Variants in CAMK4 observed in about 807,000 individuals in gnomAD.
CAMK4 encodes the protein calcium/calmodulin-dependent protein kinase type IV.
Under a neutral mutation model 44.9 loss-of-function variants are expected in CAMK4, and 22 were observed. The ratio of observed to expected loss-of-function variants is 0.49; its 90% CI spans 0.35 to 0.70. The LOEUF (loss-of-function observed/expected upper bound fraction) is 0.70. CAMK4 is among the 30% of genes least tolerant of loss of function. The pLI is 0.01. For missense variants in CAMK4, 498 were observed against 586.8 expected, an observed-to-expected ratio of 0.85 and a Z score of 1.56; for synonymous variants, 218 against 215.4, an observed-to-expected ratio of 1.01 and a Z score of -0.11.
At chr5:111,329,559 A>G (rs1406193744) in intron 1 of CAMK4, among the ~76,000 whole-genome samples, 1 of 151,816 alleles carries the variant, frequency 6.6e-6, no homozygotes, top group Non-Finnish European at 1.5e-5. Context: ...TCATGGTTTT[A>G]TTTTTGCATA....
Position 111,335,897 on chromosome 5 carries a change from ACTCT to A in CAMK4, c.162-8122_162-8119del, listed in dbSNP as rs536726755. Among the ~76,000 whole-genome samples the A allele has an allele frequency of 3.0e-3, 458 of 151,298 alleles. 2 individuals carry two copies. The highest frequency in any genetic ancestry group is 9.1e-3 in the African/African-American group (376 of 41,396). ...TTACAAACACATTACAGGTTTGACA[ACTCT>A]CTCTTTTTGTGTAATGAAAAATATG... On this transcript the variant is annotated intron_variant, in intron 1 of 10. Transcript: ENST00000282356.
chr5:111,433,801 G>T (rs1753547474), intron 5 of CAMK4, among the ~76,000 whole-genome samples: 1 of 152,198 alleles, frequency 6.6e-6, no homozygotes. Context: ...GGCAAGAATT[G>T]TCCCAGGATG....
At chr5:111,264,674 A>G (rs1475649749) in intron 1 of CAMK4, among the ~76,000 whole-genome samples, 2 of 152,038 alleles carry the variant, frequency 1.3e-5, no homozygotes, top group Non-Finnish European at 2.9e-5. Flanking sequence ...TGATACTTTA[A>G]GAGTCATTTT....
intron 7 of CAMK4, among the ~76,000 whole-genome samples, chr5:111,455,431 G>A (rs1429559059): frequency 6.6e-6 from 1 of 152,158 alleles, no homozygotes; most frequent in Non-Finnish European, 1.5e-5. Flanking sequence ...ATAATAAAGA[G>A]ATGATTAAAT....
chr5:111,352,031 G>A (rs893920762), intron 2 of CAMK4, among the ~76,000 whole-genome samples: 3 of 151,916 alleles, frequency 2.0e-5, no homozygotes, highest in Non-Finnish European at 2.9e-5. Context: ...TCATATAAGC[G>A]TGCTAATCCT....
intron 5 of CAMK4, among the ~76,000 whole-genome samples, chr5:111,424,709 A>C (rs1365415026): frequency 1.3e-5 from 2 of 151,760 alleles, no homozygotes; most frequent in African/African-American, 4.8e-5. Context: ...GGCCTCCCAA[A>C]GTGCTGGGAT....
intron 1 of CAMK4, among the ~76,000 whole-genome samples, chr5:111,241,944 C>T (rs1330740627): frequency 6.6e-6 from 1 of 152,220 alleles, no homozygotes; most frequent in Non-Finnish European, 1.5e-5. Flanking sequence ...TAGGCAATAA[C>T]TGATTTCTGT....
At chr5:111,386,703 G>A (rs1379058512) in intron 4 of CAMK4, among the ~76,000 whole-genome samples, 1 of 152,234 alleles carries the variant, frequency 6.6e-6, no homozygotes, top group East Asian at 1.9e-4. Context: ...CACCAACTGA[G>A]GAGAAGAGCA....
At chr5:111,454,612 A>G (rs1426759811) in intron 7 of CAMK4, among the ~76,000 whole-genome samples, 1 of 146,854 alleles carries the variant, frequency 6.8e-6, no homozygotes, top group African/African-American at 2.5e-5. Context: ...GATTCTCAAC[A>G]TCTTGTGGAT....
rs111343214 is a variant in CAMK4 at position 111,469,383 on chromosome 5, A to G, written c.626-3928A>G. On this transcript the variant is annotated intron_variant, in intron 7 of 10. Transcript: ENST00000282356. ...TTGTCTGTTAACTTCACTGTGGGAC[A>G]TTTAACTTTTTACATGGCAAGTTTA... Among the ~76,000 whole-genome samples the G allele has an allele frequency of 4.9e-3, 743 of 151,950 alleles. 2 individuals carry two copies. Among genetic ancestry groups the G allele is most frequent in the African/African-American group, 0.017 (701 of 41,416 alleles).
At chr5:111,391,743 G>C (rs1333330371) in intron 4 of CAMK4, among the ~76,000 whole-genome samples, 1 of 152,090 alleles carries the variant, frequency 6.6e-6, no homozygotes, top group Non-Finnish European at 1.5e-5. Context: ...ACTCTAAATT[G>C]AAAGATTATG....
At chr5:111,298,756 G>T (rs1747596024) in intron 1 of CAMK4, among the ~76,000 whole-genome samples, 1 of 152,236 alleles carries the variant, frequency 6.6e-6, no homozygotes, top group Non-Finnish European at 1.5e-5. Context: ...AACAGATGAG[G>T]TTGATCAGAT....
intron 5 of CAMK4, among the ~76,000 whole-genome samples, chr5:111,440,135 C>T (rs193253068): frequency 7.2e-4 from 110 of 152,192 alleles, no homozygotes; most frequent in Admixed American, 1.6e-3. Flanking sequence ...AGGACCATAG[C>T]TCCTAGTCTA....
At chr5:111,367,153 G>A (rs963430088) in intron 2 of CAMK4, among the ~76,000 whole-genome samples, 10 of 149,196 alleles carry the variant, frequency 6.7e-5, no homozygotes, top group African/African-American at 1.5e-4. Context: ...ACAGAATACC[G>A]CATTCTAGAT....
intron 5 of CAMK4, among the ~76,000 whole-genome samples, chr5:111,402,152 C>T (rs1752250936): frequency 6.6e-6 from 1 of 152,252 alleles, no homozygotes; most frequent in Non-Finnish European, 1.5e-5. Context: ...CCTTCTTTCT[C>T]TTCTAGCCTG....
chr5:111,389,598 T>A (rs922506171), intron 4 of CAMK4, among the ~76,000 whole-genome samples: 3 of 152,190 alleles, frequency 2.0e-5, no homozygotes, highest in Non-Finnish European at 4.4e-5. Flanking sequence ...GCCATTTGCA[T>A]GAGTAGTGCC....
chr5:111,444,384 G>C (rs912649355), intron 5 of CAMK4, among the ~76,000 whole-genome samples: 3 of 152,148 alleles, frequency 2.0e-5, no homozygotes, highest in African/African-American at 7.2e-5. Flanking sequence ...TTTAAAACAT[G>C]TAAGAGCCTC....
chr5:111,426,874 C>A (rs1444158557), intron 5 of CAMK4, among the ~76,000 whole-genome samples: 1 of 152,212 alleles, frequency 6.6e-6, no homozygotes, highest in Admixed American at 6.5e-5. Context: ...AACCTCATCA[C>A]CCTGGGCTAC....
chr5:111,259,409 G>T (rs1226892459), intron 1 of CAMK4, among the ~76,000 whole-genome samples: 1 of 152,188 alleles, frequency 6.6e-6, no homozygotes, highest in South Asian at 2.1e-4. Context: ...TAGAGAAGAA[G>T]AAATGATTTT....
Sources: allele counts gnomAD v4.1 joint callset (sites outside exome capture counted in the v4.1 genomes callset), GRCh38; gene constraint gnomAD v4.1.1; transcripts MANE v1.5; gene names NCBI Gene and HGNC (gene_info 2026-07-23, HGNC 2026-07-21).